The following CCSER1 variants were observed in gnomAD, a reference collection of about 807,000 sequenced individuals.
The protein encoded by CCSER1 is coiled-coil serine rich protein 1, also known as serine-rich coiled-coil domain-containing protein 1.
CCSER1 carries 41 observed loss-of-function variants against 82.0 expected under a neutral mutation model. That is an observed-to-expected ratio of 0.50 (90% CI 0.39 to 0.65). CCSER1 has a LOEUF of 0.65. Ranked by LOEUF, CCSER1 falls within the 30% of genes least tolerant of loss-of-function variation. CCSER1 has a pLI of 0.00. For synonymous variants in CCSER1, 414 were observed against 383.9 expected (o/e 1.08, Z -0.92); for missense variants, 1,119 against 1,064.2 (o/e 1.05, Z -0.72).
chr4:90,766,706 G>T (rs538446469), intron 7 of CCSER1, among the ~76,000 whole-genome samples: 1 of 152,026 alleles, frequency 6.6e-6, no homozygotes, highest in Non-Finnish European at 1.5e-5. Context: ...TATTGAAATT[G>T]AATTTTATTC....
At chr4:91,086,053 G>T in intron 10 of CCSER1, 59 bp downstream of exon 10, 1 of 960,816 alleles carries the variant, frequency 1.0e-6, no homozygotes, top group African/African-American at 1.6e-5. Flanking sequence ...TGGTGTTGCA[G>T]TGATGTGGTG....
rs147008233 is a variant in CCSER1, at chr4:90,272,637, G to A, written c.-41-35607G>A. Among the ~76,000 whole-genome samples the A allele has an allele frequency of 2.6e-4, 40 of 152,288 alleles. No individual in the cohort carries two copies. In the East Asian group the frequency reaches 6.8e-3, roughly 26 times the overall value. ...GTTTATTGCAGCACTCTTCATGATA[G>A]CCAAGATATGGAAGAAACCTTCACA... On this transcript the variant is annotated intron_variant, in intron 1 of 10. Coordinates refer to ENST00000509176, the MANE Select transcript of CCSER1 (RefSeq NM_001145065.2).
intron 7 of CCSER1, among the ~76,000 whole-genome samples, chr4:90,745,397 TAG>T: frequency 6.6e-6 from 1 of 152,226 alleles, no homozygotes. Context: ...GTTGGCTGAT[TAG>T]TCACCTTAAT....
At chr4:90,729,941 A>G (rs775545969) in intron 7 of CCSER1, among the ~76,000 whole-genome samples, 6 of 152,188 alleles carry the variant, frequency 3.9e-5, no homozygotes, top group Non-Finnish European at 8.8e-5. Context: ...TTTATCAGGC[A>G]TACACCATAG....
At chr4:90,470,779 A>AC (rs1764279918) in intron 5 of CCSER1, among the ~76,000 whole-genome samples, 1 of 150,736 alleles carries the variant, frequency 6.6e-6, no homozygotes, top group South Asian at 2.1e-4. Flanking sequence ...AAAAAAAAAA[A>AC]AACAAAACAC....
rs886593849 is a variant in CCSER1, at chr4:90,953,397, C to A, written c.2172+29950C>A. Among the ~76,000 whole-genome samples the A allele has an allele frequency of 4.6e-5, 7 of 151,292 alleles. No individual in the cohort carries two copies. The South Asian group carries it at 8.4e-4, about 18-fold the overall frequency. On this transcript the variant is annotated intron_variant, in intron 9 of 10. Coordinates refer to ENST00000509176, the MANE Select transcript of CCSER1 (RefSeq NM_001145065.2). Reference sequence around the variant, plus strand: ...AGCAAAATAAAAATGTTCTATTTTACAATGAAACTTTTCTTACTAGCAATG... The same window carrying A: ...AGCAAAATAAAAATGTTCTATTTTAAAATGAAACTTTTCTTACTAGCAATG...
chr4:90,289,478 A>G (rs1730526201), intron 1 of CCSER1, among the ~76,000 whole-genome samples: 1 of 151,942 alleles, frequency 6.6e-6, no homozygotes, highest in East Asian at 1.9e-4. Context: ...GAAAGTGAAA[A>G]AGAGAGTTCA....
At chr4:90,152,976 C>T (rs1328234604) in intron 1 of CCSER1, among the ~76,000 whole-genome samples, 1 of 150,332 alleles carries the variant, frequency 6.7e-6, no homozygotes, top group Non-Finnish European at 1.5e-5. Context: ...TGCTGCTGTG[C>T]TGCACCCATT....
At chr4:90,648,287 A>AAGAAAGAAAGAAAGGAAAGAAAGAC (rs1553969700) in intron 6 of CCSER1, among the ~76,000 whole-genome samples, 4 of 92,688 alleles carry the variant, frequency 4.3e-5, no homozygotes, top group Non-Finnish European at 9.2e-5. Context: ...AAAGAAAGGA[A>AAGAAAGAAAGAAAGGAAAGAAAGAC]AGAAAGAAAG....
At chr4:90,360,545 C>T (rs1745197346) in intron 3 of CCSER1, among the ~76,000 whole-genome samples, 1 of 137,452 alleles carries the variant, frequency 7.3e-6, no homozygotes, top group Non-Finnish European at 1.5e-5. Context: ...CACTGCACTC[C>T]GTCCAGCCTG....
At chr4:91,276,393 A>T (rs72877061) in intron 10 of CCSER1, among the ~76,000 whole-genome samples, 13,734 of 149,210 alleles carry the variant, frequency 0.092, 842 homozygotes, top group African/African-American at 0.17. Context: ...TTTCTAGGTA[A>T]TTTTTGTAGC....
At chr4:90,590,193 G>C (rs891164848) in intron 5 of CCSER1, among the ~76,000 whole-genome samples, 1 of 152,154 alleles carries the variant, frequency 6.6e-6, no homozygotes, top group African/African-American at 2.4e-5. Context: ...AGAGTTGCTT[G>C]AAACCAGGAG....
intron 5 of CCSER1, among the ~76,000 whole-genome samples, chr4:90,565,346 G>A (rs1004066037): frequency 8.6e-5 from 13 of 151,862 alleles, no homozygotes; most frequent in African/African-American, 3.1e-4. Context: ...ACTGATTTTT[G>A]TATGTTGATT....
intron 10 of CCSER1, among the ~76,000 whole-genome samples, chr4:91,210,431 TAAAA>T (rs971200735): frequency 6.6e-6 from 1 of 150,884 alleles, no homozygotes; most frequent in Non-Finnish European, 1.5e-5. Flanking sequence ...GGACAATTAA[TAAAA>T]AAAGAGTTAC....
chr4:90,392,066 A>G (rs1273881539), intron 3 of CCSER1, among the ~76,000 whole-genome samples: 1 of 152,030 alleles, frequency 6.6e-6, no homozygotes, highest in Non-Finnish European at 1.5e-5. Flanking sequence ...CTACTTTGTC[A>G]TGAGAGTAGA....
intron 9 of CCSER1, among the ~76,000 whole-genome samples, chr4:90,976,020 C>T (rs531619765): frequency 1.3e-5 from 2 of 151,280 alleles, no homozygotes; most frequent in Admixed American, 6.6e-5. Context: ...TCTCATTTAA[C>T]TCCCTTTGTA....
chr4:91,238,891 T>A (rs1164304660), intron 10 of CCSER1, among the ~76,000 whole-genome samples: 1 of 151,856 alleles, frequency 6.6e-6, no homozygotes, highest in Non-Finnish European at 1.5e-5. Context: ...TGGCAGGACC[T>A]CAGCTCACCG....
At chr4:90,155,821 C>A (rs1404763328) in intron 1 of CCSER1, among the ~76,000 whole-genome samples, 1 of 151,556 alleles carries the variant, frequency 6.6e-6, no homozygotes, top group African/African-American at 2.4e-5. Context: ...TTCAAAAAAC[C>A]AGCTCCTGGA....
intron 4 of CCSER1, among the ~76,000 whole-genome samples, chr4:90,412,223 C>A (rs369413112): frequency 7.4e-4 from 110 of 148,608 alleles, no homozygotes; most frequent in African/African-American, 2.5e-3. Flanking sequence ...GACAAAAAAA[C>A]CAAACACCGC....
Sources: gnomAD v4.1 joint callset for allele counts (sites outside exome capture counted in the v4.1 genomes callset) on GRCh38, gnomAD v4.1.1 for gene constraint, MANE v1.5 for transcripts, NCBI Gene and HGNC (gene_info 2026-07-23, HGNC 2026-07-21) for gene names.